Variants in SLC4A4 observed in about 807,000 individuals in gnomAD.
SLC4A4 encodes the protein solute carrier family 4 member 4, also known as electrogenic sodium bicarbonate cotransporter 1.
In SLC4A4, 27 loss-of-function variants were observed where a neutral mutation model predicts 111.5. That is an observed-to-expected ratio of 0.24 (90% CI 0.18 to 0.33). The LOEUF (loss-of-function observed/expected upper bound fraction) is 0.33, where lower values mean the gene tolerates loss of function less well. Ranked by LOEUF, SLC4A4 falls within the 10% of genes least tolerant of loss-of-function variation. The probability of loss-of-function intolerance (pLI) is 1.00; values close to 1 mark genes in which losing one functional copy is unlikely to be tolerated. For missense variants in SLC4A4, 909 were observed against 1,315.5 expected, an observed-to-expected ratio of 0.69 and a Z score of 4.78; for synonymous variants, 443 against 463.4, an observed-to-expected ratio of 0.96 and a Z score of 0.57.
chr4:71,562,907 T>C (rs144225950), intron 23 of SLC4A4, among the ~76,000 whole-genome samples: 1,600 of 151,970 alleles, frequency 0.011, 16 homozygotes, highest in Non-Finnish European at 0.016. Flanking sequence ...GGCTTTATGT[T>C]AAGATTTTAT....
chr4:71,346,966 G>C (rs919731975), intron 4 of SLC4A4, among the ~76,000 whole-genome samples: 14 of 152,036 alleles, frequency 9.2e-5, no homozygotes, highest in Non-Finnish European at 1.3e-4. Context: ...ATGCTAAACT[G>C]AGCTATGAGA....
At chr4:71,534,144 G>T in intron 17 of SLC4A4, 83 bp from the exon 18 acceptor site, 2 of 1,120,958 alleles carry the variant, frequency 1.8e-6, no homozygotes, top group South Asian at 1.3e-5. Flanking sequence ...AAATATAAAA[G>T]CATGTCTTCC....
chr4:71,387,078 T>G (rs1448818689), intron 6 of SLC4A4, among the ~76,000 whole-genome samples: 1 of 152,222 alleles, frequency 6.6e-6, no homozygotes, highest in Non-Finnish European at 1.5e-5. Context: ...TGTTATACTT[T>G]CTTGAATCCA....
chr4:71,176,648 G>T (rs556698820), intron 2 of SLC4A4, among the ~76,000 whole-genome samples: 174 of 152,254 alleles, frequency 1.1e-3, no homozygotes, highest in African/African-American at 4.0e-3. Context: ...AAAAAGAAAT[G>T]AACAAAGCCT....
chr4:71,095,094 T>C (rs1225347672), intron 2 of SLC4A4, among the ~76,000 whole-genome samples: 2 of 152,240 alleles, frequency 1.3e-5, no homozygotes, highest in South Asian at 2.1e-4. Context: ...GAGAGCACTA[T>C]GTTGAAAAAG....
chr4:71,164,019 G>A (rs1744672460), intron 2 of SLC4A4, among the ~76,000 whole-genome samples: 1 of 152,210 alleles, frequency 6.6e-6, no homozygotes, highest in Non-Finnish European at 1.5e-5. Flanking sequence ...GCCAAGGTGG[G>A]CGGATCACCT....
At chr4:71,242,562 A>G (rs1313199159) in intron 2 of SLC4A4, among the ~76,000 whole-genome samples, 1 of 152,164 alleles carries the variant, frequency 6.6e-6, no homozygotes, top group Non-Finnish European at 1.5e-5. Flanking sequence ...AACTTCCAAC[A>G]GCAATTGCTG....
intron 8 of SLC4A4, among the ~76,000 whole-genome samples, chr4:71,443,112 CTCTCTATATATA>C (rs1457286228): frequency 7.5e-4 from 73 of 97,654 alleles, no homozygotes; most frequent in African/African-American, 1.0e-3. Context: ...CTCTCTCTCT[CTCTCTATATATA>C]TATATATATA....
chr4:71,297,669 C>A (rs922666692), intron 3 of SLC4A4, among the ~76,000 whole-genome samples: 3 of 149,272 alleles, frequency 2.0e-5, no homozygotes, highest in Admixed American at 1.4e-4. Context: ...CTCATTGCAA[C>A]CTCCGCCTCC....
At chr4:71,177,779 A>G (rs1745146627) in intron 2 of SLC4A4, among the ~76,000 whole-genome samples, 1 of 152,186 alleles carries the variant, frequency 6.6e-6, no homozygotes, top group Non-Finnish European at 1.5e-5. Context: ...ATGGGACAGA[A>G]AGTTAACAAG....
chr4:71,084,978 A>G (rs1742115800), intron 1 of SLC4A4, among the ~76,000 whole-genome samples: 2 of 152,104 alleles, frequency 1.3e-5, no homozygotes, highest in Admixed American at 1.3e-4. Context: ...AGGAATCGCC[A>G]CACTAACTTC....
At chr4:71,087,843 A>T (rs1333315305) in intron 1 of SLC4A4, among the ~76,000 whole-genome samples, 1 of 151,908 alleles carries the variant, frequency 6.6e-6, no homozygotes, top group Admixed American at 6.6e-5. Flanking sequence ...TCAGTTTTGG[A>T]ATAGGTGTGG....
At chr4:71,181,146 A>C (rs1483307462) in intron 2 of SLC4A4, among the ~76,000 whole-genome samples, 1 of 146,212 alleles carries the variant, frequency 6.8e-6, no homozygotes. Context: ...GTTCTCACTC[A>C]TAGGTGGGAA....
intron 20 of SLC4A4, among the ~76,000 whole-genome samples, chr4:71,553,268 T>C (rs1736193446): frequency 6.6e-6 from 1 of 151,936 alleles, no homozygotes; most frequent in Non-Finnish European, 1.5e-5. Flanking sequence ...CATTCTATGT[T>C]ACTGATACCT....
At chr4:71,313,464 G>A (rs1038136684) in intron 3 of SLC4A4, among the ~76,000 whole-genome samples, 6 of 152,054 alleles carry the variant, frequency 3.9e-5, no homozygotes, top group Non-Finnish European at 5.9e-5. Context: ...AGCCCACATA[G>A]CCAAGACAAT....
chr4:71,473,051 T>C (rs1728030723), intron 14 of SLC4A4, 81 bp downstream of exon 14: 1 of 1,453,690 alleles, frequency 6.9e-7, no homozygotes, highest in South Asian at 1.1e-5. Context: ...ATTTTCAACA[T>C]GCTGTCATGG....
At chr4:71,352,792 G>A (rs1729959901) in intron 5 of SLC4A4, among the ~76,000 whole-genome samples, 1 of 152,196 alleles carries the variant, frequency 6.6e-6, no homozygotes, top group Non-Finnish European at 1.5e-5. Flanking sequence ...GTAGAGAAAT[G>A]AGTCAGATAG....
At chr4:71,443,116 C>CTCTCTCTCTCTCTCTCTATATATA (rs1198759861) in intron 8 of SLC4A4, among the ~76,000 whole-genome samples, 2 of 65,650 alleles carry the variant, frequency 3.0e-5, no homozygotes, top group Non-Finnish European at 5.1e-5. Flanking sequence ...CTCTCTCTCT[C>CTCTCTCTCTCTCTCTCTATATATA]TATATATATA....
Position 71,339,430 on chromosome 4 carries a change from C to A in SLC4A4, c.314C>A (p.Pro105His). 1 of 1,614,114 alleles carries A rather than the reference C, an allele frequency of 6.2e-7. No homozygotes were observed. Among genetic ancestry groups the A allele is most frequent in the East Asian group, 2.2e-5 (1 of 44,854 alleles). ...GGAGAGGAGGATGACAGCCCAGCTCCCCCTCAGCTCTTCACGGAACTGGAT... is the reference window on the plus strand; with the variant it reads ...GGAGAGGAGGATGACAGCCCAGCTCACCCTCAGCTCTTCACGGAACTGGAT... ...ILGEEDDSPA[P>H]PQLFTELDEL... The change falls in exon 4 of 26, where the codon CCC becomes CAC. Residue 105 changes from proline (P) to histidine (H), a missense_variant. Pro to His is a moderately conservative substitution (Grantham distance 77). Coordinates refer to ENST00000264485, the MANE Select transcript of SLC4A4 (RefSeq NM_001098484.3).
Sources: gnomAD v4.1 joint callset for allele counts (sites outside exome capture counted in the v4.1 genomes callset) on GRCh38, gnomAD v4.1.1 for gene constraint, MANE v1.5 for transcripts, NCBI Gene and HGNC (gene_info 2026-07-23, HGNC 2026-07-21) for gene names.